The following ZNF827 variants were observed in gnomAD, a reference collection of about 807,000 sequenced individuals.
ZNF827 encodes the protein zinc finger protein 827.
Under a neutral mutation model 102.4 loss-of-function variants are expected in ZNF827, and 13 were observed. The ratio of observed to expected loss-of-function variants is 0.13; its 90% CI spans 0.08 to 0.20. The LOEUF is 0.20. Ranked by LOEUF, ZNF827 falls within the 10% of genes least tolerant of loss-of-function variation. ZNF827 has a pLI of 1.00. For missense variants in ZNF827, 1,103 were observed against 1,344.4 expected, an observed-to-expected ratio of 0.82 and a Z score of 2.81; for synonymous variants, 523 against 536.2, an observed-to-expected ratio of 0.98 and a Z score of 0.34.
chr4:145,870,141 C>T (rs535246529), intron 5 of ZNF827, 104 bp downstream of exon 5: 232 of 1,060,604 alleles, frequency 2.2e-4, no homozygotes, highest in Admixed American at 1.1e-3. Flanking sequence ...AGCAATAATG[C>T]GATATTGCTG....
intron 9 of ZNF827, among the ~76,000 whole-genome samples, chr4:145,777,932 G>C (rs6854396): frequency 0.035 from 5,282 of 152,030 alleles, 292 homozygotes; most frequent in African/African-American, 0.12. Flanking sequence ...CAATTAGGCA[G>C]GACATTTTAT....
intron 5 of ZNF827, among the ~76,000 whole-genome samples, chr4:145,851,564 A>G (rs1033036330): frequency 4.6e-5 from 7 of 152,232 alleles, no homozygotes; most frequent in African/African-American, 1.7e-4. Flanking sequence ...CAGTGCTATC[A>G]ATAAGATCTT....
At chr4:145,804,129 G>A (rs917703672) in intron 8 of ZNF827, among the ~76,000 whole-genome samples, 9 of 152,106 alleles carry the variant, frequency 5.9e-5, no homozygotes, top group Non-Finnish European at 1.5e-5. Context: ...GGAAATGAAC[G>A]CATATACATA....
chr4:145,804,288 A>G (rs2126318060), intron 8 of ZNF827, among the ~76,000 whole-genome samples: 1 of 152,334 alleles, frequency 6.6e-6, no homozygotes, highest in African/African-American at 2.4e-5. Context: ...TCTCTGGCTC[A>G]GGCATTAAGT....
At chr4:145,823,610 G>GC in intron 7 of ZNF827, 85 bp from the exon 8 acceptor site, 1 of 852,134 alleles carries the variant, frequency 1.2e-6, no homozygotes, top group Non-Finnish European at 2.0e-6. Context: ...ACATATATAC[G>GC]CAATATTAGA....
At chr4:145,794,805 A>G (rs1740207640) in intron 8 of ZNF827, among the ~76,000 whole-genome samples, 1 of 152,242 alleles carries the variant, frequency 6.6e-6, no homozygotes, top group South Asian at 2.1e-4. Flanking sequence ...ACTGTTAAGT[A>G]AACCAGCAAC....
intron 4 of ZNF827, among the ~76,000 whole-genome samples, chr4:145,877,142 C>T (rs762016880): frequency 1.6e-4 from 24 of 152,180 alleles, no homozygotes; most frequent in Admixed American, 3.3e-4. Context: ...CACTCCCTTA[C>T]TTTACAATAA....
intron 7 of ZNF827, among the ~76,000 whole-genome samples, chr4:145,840,403 T>G (rs1745293200): frequency 6.6e-6 from 1 of 152,198 alleles, no homozygotes; most frequent in African/African-American, 2.4e-5. Flanking sequence ...CTTTTTAAAA[T>G]GTACAATGGC....
chr4:145,938,393 C>T lies in ZNF827; in HGVS notation c.15G>A (p.Lys5=), dbSNP rs377409200. MPRR[K]QEQPKRLPSH... is the part of the protein sequence containing the mutation. ...AGGGAAGGCGCTTGGGCTGCTCCTGCTTCCTCCTGGGCATTTTCCCCCTTT... is the reference window on the plus strand; with the variant it reads ...AGGGAAGGCGCTTGGGCTGCTCCTGTTTCCTCCTGGGCATTTTCCCCCTTT... Residue 5 remains lysine, a synonymous_variant, in exon 1 of 15, where the codon AAG becomes AAA. Transcript: ENST00000508784. The T allele has an allele frequency of 6.2e-7, 1 of 1,613,118 alleles. No individual in the cohort carries two copies. The highest frequency in any genetic ancestry group is 8.5e-7 in the Non-Finnish European group (1 of 1,179,956).
chr4:145,833,607 C>G (rs184243086), intron 7 of ZNF827, among the ~76,000 whole-genome samples: 1 of 152,030 alleles, frequency 6.6e-6, no homozygotes. Context: ...CGCTTTTCTA[C>G]GGGGCAAGAA....
chr4:145,870,393 A>C lies in ZNF827; in HGVS notation c.1833T>G (p.Pro611=), dbSNP rs755815390. The C allele has an allele frequency of 8.7e-6, 14 of 1,614,022 alleles. No homozygotes were observed. The highest frequency in any genetic ancestry group is 1.7e-5 in the Admixed American group (1 of 59,992). Residue 611 remains proline (P), a synonymous_variant, in exon 5 of 15, where the codon CCT becomes CCG. Coordinates refer to ENST00000508784, the MANE Select transcript of ZNF827 (RefSeq NM_001306215.2). ...CCGGGCTGAACACATAGCTGGACCG[A>C]GGCAAAGTCGTGCTTAGGGACTCCC... ...KEGESLSTTL[P]RSSYVFSPES...
Position 145,902,711 on chromosome 4 carries a change from T to C in ZNF827, c.548A>G (p.Tyr183Cys). The change falls in exon 2 of 15, where the codon TAC becomes TGC. Residue 183 changes from tyrosine to cysteine, a missense_variant. By Grantham distance (194) the Tyr-to-Cys change is radical. Around this residue, in one of 5 missense-constraint regions of ZNF827, gnomAD observed 441 missense variants for 458.6 expected, o/e 0.96. Coordinates refer to ENST00000508784, the MANE Select transcript of ZNF827 (RefSeq NM_001306215.2). This position sits in a 1 kb window ranked among gnomAD's most constrained non-coding sequence, Gnocchi z 4.3. ...CCATATAAAACGGTTACTTGGAGTGTATTGGTCATTCTGTTCCTGCTTCTC... is the reference window on the plus strand; with the variant it reads ...CCATATAAAACGGTTACTTGGAGTGCATTGGTCATTCTGTTCCTGCTTCTC... The part of the protein sequence containing the change: ...LAEKQEQNDQ[Y>C]TPSNRFIWNQ... 1.2e-6 allele frequency: 2 copies of C among 1,614,010 alleles called. No homozygotes were observed. Among genetic ancestry groups the C allele is most frequent in the Non-Finnish European group, 1.7e-6 (2 of 1,180,028 alleles).
chr4:145,853,245 T>A (rs1746712836), intron 5 of ZNF827, among the ~76,000 whole-genome samples: 1 of 152,172 alleles, frequency 6.6e-6, no homozygotes, highest in African/African-American at 2.4e-5. Flanking sequence ...GCCTGGGGTG[T>A]TCTAACATAA....
At chr4:145,874,971 T>C (rs1384670841) in intron 4 of ZNF827, among the ~76,000 whole-genome samples, 1 of 152,198 alleles carries the variant, frequency 6.6e-6, no homozygotes, top group Admixed American at 6.5e-5. Context: ...TGAGGATTTA[T>C]GAAGAATTCA....
In ZNF827 at chr4:145,870,359, C is replaced by T. The variant is rs1411894888; in HGVS notation, c.1867G>A (p.Val623Met). 6.2e-7 allele frequency: 1 copy of T among 1,614,056 alleles called. No individual in the cohort carries two copies. The highest frequency in any genetic ancestry group is 1.3e-5 in the African/African-American group (1 of 74,920). Residue 623 changes from valine (V) to methionine (M), a missense_variant, in exon 5 of 15, where the codon GTG becomes ATG. By Grantham distance (21) the Val-to-Met change is conservative. Transcript: ENST00000508784. ...SSYVFSPESE[V>M]SAPGVSEDAL... ...TCCTCAGAGACGCCTGGGGCTGACA[C>T]TTCAGATTCCGGGCTGAACACATAG...
rs1355445564 is a variant in ZNF827, at chr4:145,766,847, C to T, written c.2861-1109G>A. On this transcript the variant is annotated intron_variant, in intron 11 of 14. Transcript: ENST00000508784. Reference sequence around the variant, plus strand: ...CATTAGGTAGAAAACTAAGAAAGGTCTCTTAGTAGTGGGTTAAACCTAGAT... The same window carrying T: ...CATTAGGTAGAAAACTAAGAAAGGTTTCTTAGTAGTGGGTTAAACCTAGAT... Among the ~76,000 whole-genome samples, 5 of 152,210 alleles carry T rather than the reference C, an allele frequency of 3.3e-5. No homozygotes were observed. In the South Asian group the frequency reaches 8.3e-4, roughly 25 times the overall value.
At chr4:145,918,279 G>C (rs1286725122) in intron 1 of ZNF827, among the ~76,000 whole-genome samples, 6 of 86,116 alleles carry the variant, frequency 7.0e-5, no homozygotes, top group African/African-American at 2.8e-4. Context: ...CTTATATTTT[G>C]TTGTTGTTTT....
intron 1 of ZNF827, among the ~76,000 whole-genome samples, chr4:145,936,839 C>A (rs1389299038): frequency 6.6e-6 from 1 of 152,160 alleles, no homozygotes; most frequent in African/African-American, 2.4e-5. Context: ...CGCTCCGGCT[C>A]CACTCCCGCC....
At chr4:145,899,110 G>A (rs1056892744) in intron 2 of ZNF827, among the ~76,000 whole-genome samples, 2 of 152,090 alleles carry the variant, frequency 1.3e-5, no homozygotes, top group African/African-American at 4.8e-5. Context: ...GCTGTGAGAG[G>A]CCAATGCACC....
Sources: gnomAD v4.1 joint callset for allele counts (sites outside exome capture counted in the v4.1 genomes callset) on GRCh38, gnomAD v4.1.1 for gene constraint, gnomAD v4.1.1 regional missense constraint, Gnocchi (gnomAD v3.1) non-coding constraint, MANE v1.5 for transcripts, NCBI Gene and HGNC (gene_info 2026-07-23, HGNC 2026-07-21) for gene names.